The following NOB1 variants were observed in gnomAD, a reference collection of about 807,000 sequenced individuals.
The protein encoded by NOB1 is RNA-binding protein NOB1.
A neutral mutation model predicts 44.8 loss-of-function variants in NOB1; 44 were observed. The observed-to-expected ratio is 0.98, with a 90% CI of 0.77 to 1.26. The LOEUF (loss-of-function observed/expected upper bound fraction) is 1.26, where lower values mean the gene tolerates loss of function less well. NOB1 is among the 50% of genes most tolerant of loss of function. NOB1 has a pLI of 0.00. For synonymous variants in NOB1, 238 were observed against 218.7 expected (o/e 1.09, Z -0.78); for missense variants, 560 against 544.8 (o/e 1.03, Z -0.28).
At position 69,748,989 on chromosome 16, in the gene NOB1, G is replaced by T. The variant is rs1311499490; in HGVS notation, c.655C>A (p.Gln219Lys). The change falls in exon 6 of 9, where the codon CAG becomes AAG. Residue 219 changes from glutamine (Q) to lysine (K), a missense_variant. Gln to Lys is a moderately conservative substitution (Grantham distance 53). Coordinates refer to ENST00000268802, the MANE Select transcript of NOB1 (RefSeq NM_014062.3). ...ITPSNIKQIQ[Q>K]ELEQCDVPED... The stretch of plus-strand genomic sequence containing the variant: ...GGGACGTCACACTGCTCCAGCTCCT[G>T]CTGGATCTGCTTGATGTTACTGGGG... 6.2e-7 allele frequency: 1 copy of T among 1,614,094 alleles called. No individual in the cohort carries two copies. Among genetic ancestry groups the T allele is most frequent in the African/African-American group, 1.3e-5 (1 of 74,936 alleles).
Position 69,742,454 on chromosome 16 carries a change from A to T in NOB1, c.1117T>A (p.Phe373Ile), listed in dbSNP as rs759320295. Residue 373 changes from phenylalanine to isoleucine, a missense_variant, in exon 9 of 9, where the codon TTT (phenylalanine) becomes ATT (isoleucine). Coordinates refer to ENST00000268802, the MANE Select transcript of NOB1 (RefSeq NM_014062.3). ...CGGCTGGAGATGTCATTCTCGACAA[A>T]GGGTGACACCCCGGCGATGTAGTCA... ...APDYIAGVSP[F>I]VENDISSRSA... is the part of the protein sequence containing the mutation. 3 of 1,614,212 alleles carry T rather than the reference A, an allele frequency of 1.9e-6. No homozygotes were observed. The highest frequency in any genetic ancestry group is 2.5e-6 in the Non-Finnish European group (3 of 1,180,024).
chr16:69,753,221 C>CA lies in NOB1; in HGVS notation c.197-851dup, dbSNP rs796303805. Among the ~76,000 whole-genome samples the CA allele has an allele frequency of 8.5e-4, 121 of 142,186 alleles. 1 individual carries two copies. Among genetic ancestry groups the CA allele is most frequent in the East Asian group, 4.6e-3 (23 of 4,968 alleles). 93.3% of individuals were successfully genotyped at this position (142,186 alleles called of 152,430 possible). A position where few individuals can be genotyped will look rare whatever the true frequency, so the allele number is the denominator to read the frequency against. ...TAGGCAACACAGCCAGACTCCATCTCAAAAAAAAAAAAGTTTCAGATTTAG... is the reference window on the plus strand; with the variant it reads ...TAGGCAACACAGCCAGACTCCATCTCAAAAAAAAAAAAAGTTTCAGATTTAG... On this transcript the variant is annotated intron_variant, in intron 2 of 8. Transcript: ENST00000268802.
At chr16:69,753,642 A>G (rs913228328) in intron 2 of NOB1, among the ~76,000 whole-genome samples, 2 of 152,174 alleles carry the variant, frequency 1.3e-5, no homozygotes, top group African/African-American at 4.8e-5. Flanking sequence ...GTTGGTGGAG[A>G]AAATCGTAGA....
chr16:69,754,511 C>T, intron 2 of NOB1, 83 bp downstream of exon 2: 3 of 1,556,500 alleles, frequency 1.9e-6, no homozygotes, highest in South Asian at 2.3e-5. Flanking sequence ...GATAAGGCAG[C>T]TAGACCCCAA....
rs369130166 is a variant in NOB1, at chr16:69,749,237, G to A, written c.501C>T (p.Ile167=). 3.0e-5 allele frequency: 48 copies of A among 1,613,372 alleles called. No homozygotes were observed. The highest frequency in any genetic ancestry group is 1.7e-4 in the African/African-American group (13 of 74,958). ...CCAGCAGCTCCTGCAGTTCATGATC[G>A]ATGTTGGGCAAAGGGTTTCTCCAGA... ...FMFWRNPLPN[I]DHELQELLID... Residue 167 remains isoleucine, a synonymous_variant, in exon 5 of 9, where the codon ATC becomes ATT. Coordinates refer to ENST00000268802, the MANE Select transcript of NOB1 (RefSeq NM_014062.3).
At chr16:69,752,512 G>C (rs2038491579) in intron 2 of NOB1, 141 bp from the exon 3 acceptor site, 1 of 869,872 alleles carries the variant, frequency 1.1e-6, no homozygotes, top group South Asian at 2.0e-5. Flanking sequence ...ACTATGTCAT[G>C]AAAAACCTTA....
chr16:69,753,346 G>A (rs1243396569), intron 2 of NOB1, among the ~76,000 whole-genome samples: 1 of 152,226 alleles, frequency 6.6e-6, no homozygotes, highest in East Asian at 1.9e-4. Flanking sequence ...ATGTCAGACT[G>A]CTGTTATTCT....
chr16:69,742,040 A>C lies in NOB1; in HGVS notation c.*292T>G, dbSNP rs1409536377. 1 of 339,838 alleles carries C rather than the reference A, an allele frequency of 2.9e-6. No homozygotes were observed. The highest frequency in any genetic ancestry group is 5.4e-6 in the Non-Finnish European group (1 of 186,074). 21.1% of individuals were successfully genotyped at this position (339,838 alleles called of 1,614,324 possible). A position where few individuals can be genotyped will look rare whatever the true frequency, so the allele number is the denominator to read the frequency against. On this transcript the variant is annotated 3_prime_UTR_variant, in exon 9 of 9. Coordinates refer to ENST00000268802, the MANE Select transcript of NOB1 (RefSeq NM_014062.3). ...AGGTTGCAGCCGCATTTATTAGAAA[A>C]ATATTATCCTTTGGAAATTCCTTTC...
intron 2 of NOB1, among the ~76,000 whole-genome samples, 186 bp from the exon 3 acceptor site, chr16:69,752,557 G>A (rs184088575): frequency 2.0e-5 from 3 of 152,264 alleles, no homozygotes; most frequent in Admixed American, 1.3e-4. Flanking sequence ...TTTCCTACTC[G>A]CAGTTGAGAA....
intron 8 of NOB1, among the ~76,000 whole-genome samples, chr16:69,744,046 C>T (rs1057168757): frequency 3.3e-5 from 5 of 152,192 alleles, no homozygotes; most frequent in African/African-American, 9.6e-5. Context: ...AATTATTAGC[C>T]GGGTGCAGTG....
In NOB1 at chr16:69,744,883, C is replaced by CG. The variant is rs1338880677; in HGVS notation, c.958dup (p.Arg320ProfsTer46). On this transcript the variant is annotated frameshift_variant, in exon 8 of 9. Coordinates refer to ENST00000268802, the MANE Select transcript of NOB1 (RefSeq NM_014062.3). LOFTEE classifies it high-confidence loss of function. Reference sequence around the variant, plus strand: ...AGAGGCGCCACTCACCCGGAGGCCGCGGGGGTTCAGCACCTTGGGGTTGCG... The same window carrying CG: ...AGAGGCGCCACTCACCCGGAGGCCGCGGGGGGTTCAGCACCTTGGGGTTGCG... 1 of 1,613,082 alleles carries CG rather than the reference C, an allele frequency of 6.2e-7. No individual in the cohort carries two copies. Among genetic ancestry groups the CG allele is most frequent in the Non-Finnish European group, 8.5e-7 (1 of 1,179,930 alleles).
intron 2 of NOB1, 39 bp downstream of exon 2, chr16:69,754,555 A>G: frequency 6.2e-7 from 1 of 1,609,874 alleles, no homozygotes; most frequent in East Asian, 2.2e-5. Context: ...TGCGCCCTGG[A>G]CCCCAGCTTC....
In NOB1 at chr16:69,754,857, C is replaced by G. The variant is rs2038512963; in HGVS notation, c.54G>C (p.Ala18=). The G allele has an allele frequency of 2.5e-6, 4 of 1,598,970 alleles. No individual in the cohort carries two copies. The highest frequency in any genetic ancestry group is 1.7e-5 in the Admixed American group (1 of 57,556). The change falls in exon 1 of 9, where the codon GCG becomes GCC. Residue 18 remains alanine, a synonymous_variant. Coordinates refer to ENST00000268802, the MANE Select transcript of NOB1 (RefSeq NM_014062.3). ...VADAGAFLRH[A]ALQDIGKNIY... Reference sequence around the variant, plus strand: ...AGGGAGCTCCCCGTACCTGCAGAGCCGCATGCCGCAGGAAAGCCCCAGCAT... The same window carrying G: ...AGGGAGCTCCCCGTACCTGCAGAGCGGCATGCCGCAGGAAAGCCCCAGCAT...
At position 69,754,879 on chromosome 16, in the gene NOB1, G is replaced by A. The variant is rs765530372; in HGVS notation, c.32C>T (p.Ala11Val). 1.3e-6 allele frequency: 2 copies of A among 1,595,480 alleles called. No individual in the cohort carries two copies. Among genetic ancestry groups the A allele is most frequent in the Non-Finnish European group, 1.7e-6 (2 of 1,172,176 alleles). MAPVEHVVADAGAFLRHAALQ... is the reference protein window; with the variant it reads MAPVEHVVADVGAFLRHAALQ... ...AGCCGCATGCCGCAGGAAAGCCCCA[G>A]CATCCGCCACAACGTGCTCCACTGG... The change falls in exon 1 of 9, where the codon GCT becomes GTT. Residue 11 changes from alanine (A) to valine (V), a missense_variant. Ala to Val is a moderately conservative substitution (Grantham distance 64). Transcript: ENST00000268802.
chr16:69,752,392 T>G (rs1260383630), intron 2 of NOB1, 21 bp from the exon 3 acceptor site: 1 of 1,604,766 alleles, frequency 6.2e-7, no homozygotes, highest in African/African-American at 1.3e-5. Context: ...CAGATTTACA[T>G]CTTCAGTTAG....
intron 7 of NOB1, among the ~76,000 whole-genome samples, chr16:69,745,859 AT>A (rs1413411690): frequency 6.6e-6 from 1 of 152,204 alleles, no homozygotes; most frequent in Non-Finnish European, 1.5e-5. Context: ...GGACCTAATT[AT>A]TTTGTACATC....
chr16:69,749,632 T>C lies in NOB1; in HGVS notation c.328-2A>G. On this transcript the variant is annotated splice_acceptor_variant, in intron 3 of 8. Coordinates refer to ENST00000268802, the MANE Select transcript of NOB1 (RefSeq NM_014062.3). LOFTEE classifies it high-confidence loss of function. Reference sequence around the variant, plus strand: ...CTGAATCGATGAGCTCACCTTAACCTTTAAAAAAACAAAAAACATATACCT... The same window carrying C: ...CTGAATCGATGAGCTCACCTTAACCCTTAAAAAAACAAAAAACATATACCT... 1 of 1,591,876 alleles carries C rather than the reference T, an allele frequency of 6.3e-7. No homozygotes were observed. Among genetic ancestry groups the C allele is most frequent in the African/African-American group, 1.4e-5 (1 of 73,126 alleles).
At chr16:69,748,672 GAAA>G (rs145944004) in intron 6 of NOB1, 7 of 516,534 alleles carry the variant, frequency 1.4e-5, no homozygotes, top group Non-Finnish European at 2.0e-5. Context: ...TATATATACT[GAAA>G]AAAAAATCAT....
chr16:69,745,725 C>T (rs1444317314), intron 7 of NOB1, among the ~76,000 whole-genome samples: 3 of 152,212 alleles, frequency 2.0e-5, no homozygotes. Flanking sequence ...GGTCCCTGTC[C>T]TTGTGGAGTT....
Sources: allele counts gnomAD v4.1 joint callset (sites outside exome capture counted in the v4.1 genomes callset), GRCh38; gene constraint gnomAD v4.1.1; transcripts MANE v1.5; gene names NCBI Gene and HGNC (gene_info 2026-07-23, HGNC 2026-07-21).